The following ABI1 variants were observed in gnomAD, a reference collection of about 807,000 sequenced individuals.
The protein encoded by ABI1 is abl interactor 1, also known as Abelson interactor 1.
A neutral mutation model predicts 54.6 loss-of-function variants in ABI1; 14 were observed. The ratio of observed to expected loss-of-function variants is 0.26; its 90% CI spans 0.17 to 0.40. The LOEUF is 0.40. Ranked by LOEUF, ABI1 falls within the 10% of genes least tolerant of loss-of-function variation. The pLI, the probability that ABI1 is intolerant of heterozygous loss-of-function variation, is 1.00. For missense variants in ABI1, 443 were observed against 598.3 expected (o/e 0.74, Z 2.71); for synonymous variants, 194 against 209.3 (o/e 0.93, Z 0.63).
Position 26,747,816 on chromosome 10 carries a change from C to A in ABI1, c.*754G>T, listed in dbSNP as rs556353453. On this transcript the variant is annotated 3_prime_UTR_variant, in exon 11 of 11. Coordinates refer to ENST00000376140, the MANE Select transcript of ABI1 (RefSeq NM_001012750.3). ...TTGAGAAAATAGAATCATAATTCTG[C>A]AATAAATCATTATCTTTTATTTTTT... is the stretch of plus-strand genomic sequence containing the variant. 83 of 193,696 alleles carry A rather than the reference C, an allele frequency of 4.3e-4. No individual in the cohort carries two copies. Among genetic ancestry groups the A allele is most frequent in the Non-Finnish European group, 5.6e-4 (52 of 93,084 alleles). 12.0% of individuals were successfully genotyped at this position (193,696 alleles called of 1,614,324 possible).
At chr10:26,798,185 G>A (rs1844432479) in intron 2 of ABI1, among the ~76,000 whole-genome samples, 1 of 152,128 alleles carries the variant, frequency 6.6e-6, no homozygotes, top group South Asian at 2.1e-4. Context: ...GTACTTTTAT[G>A]CCACATGGGG....
rs76336172 is a variant in ABI1 at position 26,860,109 on chromosome 10, C to G, written c.117+638G>C. Among the ~76,000 whole-genome samples, 1,108 of 152,250 alleles carry G rather than the reference C, an allele frequency of 7.3e-3. 8 individuals carry two copies. Among genetic ancestry groups the G allele is most frequent in the Non-Finnish European group, 0.012 (783 of 68,022 alleles). On this transcript the variant is annotated intron_variant, in intron 1 of 10. Coordinates refer to ENST00000376140, the MANE Select transcript of ABI1 (RefSeq NM_001012750.3). The surrounding 1 kb of genome is among the most constrained non-coding windows in gnomAD (Gnocchi z 4.1). Reference sequence around the variant, plus strand: ...AAACGCCCTCCCTCACTCCCCACACCCGCTTCCTCCTCTCCTCCGGGAGGT... The same window carrying G: ...AAACGCCCTCCCTCACTCCCCACACGCGCTTCCTCCTCTCCTCCGGGAGGT...
At chr10:26,783,595 T>C (rs1474967283) in intron 2 of ABI1, among the ~76,000 whole-genome samples, 1 of 152,214 alleles carries the variant, frequency 6.6e-6, no homozygotes, top group African/African-American at 2.4e-5. Context: ...TCCTGGCCAC[T>C]TGGGATTCCA....
intron 2 of ABI1, among the ~76,000 whole-genome samples, chr10:26,795,122 C>T (rs144165069): frequency 5.1e-4 from 74 of 145,070 alleles, no homozygotes; most frequent in African/African-American, 1.7e-3. Flanking sequence ...CCAGCCTGGG[C>T]GACAGAGCGA....
At chr10:26,853,858 T>C (rs1230803523) in intron 1 of ABI1, among the ~76,000 whole-genome samples, 1 of 152,158 alleles carries the variant, frequency 6.6e-6, no homozygotes, top group Non-Finnish European at 1.5e-5. Flanking sequence ...TTACTTTTCA[T>C]GCCAACACTA....
chr10:26,768,770 T>TA, intron 6 of ABI1, 82 bp downstream of exon 6: 2 of 1,215,996 alleles, frequency 1.6e-6, no homozygotes, highest in Non-Finnish European at 1.1e-6. Context: ...ACCTCACCTT[T>TA]ACTCAGCACC....
chr10:26,839,568 CA>C (rs2049332030), intron 1 of ABI1, among the ~76,000 whole-genome samples: 1 of 151,384 alleles, frequency 6.6e-6, no homozygotes, highest in Admixed American at 6.6e-5. Context: ...CATCTTTTAA[CA>C]AACTACTAGG....
At chr10:26,787,459 T>G (rs930470810) in intron 2 of ABI1, among the ~76,000 whole-genome samples, 2 of 152,124 alleles carry the variant, frequency 1.3e-5, no homozygotes, top group Non-Finnish European at 2.9e-5. Context: ...CAGGACACGA[T>G]TTCAAATTAC....
intron 3 of ABI1, among the ~76,000 whole-genome samples, chr10:26,774,641 T>C (rs1377950169): frequency 6.6e-6 from 1 of 152,088 alleles, no homozygotes; most frequent in African/African-American, 2.4e-5. Flanking sequence ...GTTTATTTCA[T>C]AGCATAAAAT....
At chr10:26,756,466 T>C (rs1196066347) in intron 8 of ABI1, among the ~76,000 whole-genome samples, 60 of 152,142 alleles carry the variant, frequency 3.9e-4, no homozygotes, top group Admixed American at 3.9e-3. Context: ...TTCATCACTG[T>C]TCTGAAAAAG....
At chr10:26,792,985 A>G (rs1160491693) in intron 2 of ABI1, among the ~76,000 whole-genome samples, 1 of 152,214 alleles carries the variant, frequency 6.6e-6, no homozygotes, top group Non-Finnish European at 1.5e-5. Context: ...TGACATAGCA[A>G]CACTACTTAA....
chr10:26,830,366 A>G lies in ABI1; in HGVS notation c.118-7061T>C, dbSNP rs570555799. Among the ~76,000 whole-genome samples the G allele has an allele frequency of 2.4e-3, 370 of 152,280 alleles. 2 individuals carry two copies. The highest frequency in any genetic ancestry group is 8.5e-3 in the African/African-American group (353 of 41,562). ...GTTGGGCATGGGGGCTCATGACTGTAATCTCAGCATTTTGGGAGGTCATGG... is the reference window on the plus strand; with the variant it reads ...GTTGGGCATGGGGGCTCATGACTGTGATCTCAGCATTTTGGGAGGTCATGG... On this transcript the variant is annotated intron_variant, in intron 1 of 10. Coordinates refer to ENST00000376140, the MANE Select transcript of ABI1 (RefSeq NM_001012750.3).
chr10:26,841,677 A>G (rs1033733930), intron 1 of ABI1, among the ~76,000 whole-genome samples: 5 of 151,624 alleles, frequency 3.3e-5, no homozygotes, highest in African/African-American at 1.2e-4. Context: ...GATTCCACAT[A>G]TGAGATCATG....
chr10:26,828,546 T>A (rs1459589263), intron 1 of ABI1, among the ~76,000 whole-genome samples: 2 of 151,960 alleles, frequency 1.3e-5, no homozygotes, highest in Admixed American at 6.6e-5. Flanking sequence ...AAAATAAAAT[T>A]TAAATTTAAA....
At chr10:26,759,384 G>A in intron 7 of ABI1, 146 bp from the exon 8 acceptor site, 1 of 566,774 alleles carries the variant, frequency 1.8e-6, no homozygotes, top group South Asian at 5.0e-5. Context: ...GAAAAGTAAA[G>A]ATAAAAATCA....
intron 10 of ABI1, 73 bp from the exon 11 acceptor site, chr10:26,748,818 C>T (rs1588727744): frequency 2.3e-6 from 2 of 873,002 alleles, no homozygotes; most frequent in Non-Finnish European, 3.4e-6. Flanking sequence ...AAGACAAAGA[C>T]AATTAAATAT....
intron 6 of ABI1, among the ~76,000 whole-genome samples, chr10:26,766,904 C>A (rs370827369): frequency 2.0e-5 from 3 of 152,158 alleles, no homozygotes; most frequent in African/African-American, 7.2e-5. Context: ...TACTGGAACA[C>A]AGCCACATTC....
chr10:26,846,742 T>C (rs1340724868), intron 1 of ABI1, among the ~76,000 whole-genome samples: 1 of 152,194 alleles, frequency 6.6e-6, no homozygotes, highest in Non-Finnish European at 1.5e-5. Context: ...TGACTCTGTT[T>C]ACTCTGAAGT....
chr10:26,792,684 T>A (rs778175987), intron 2 of ABI1, among the ~76,000 whole-genome samples: 3 of 152,172 alleles, frequency 2.0e-5, no homozygotes, highest in Non-Finnish European at 4.4e-5. Flanking sequence ...TAAACAAATG[T>A]TCTAAAGGAA....
Sources: gnomAD v4.1 joint callset for allele counts (sites outside exome capture counted in the v4.1 genomes callset) on GRCh38, gnomAD v4.1.1 for gene constraint, Gnocchi (gnomAD v3.1) non-coding constraint, MANE v1.5 for transcripts, NCBI Gene and HGNC (gene_info 2026-07-23, HGNC 2026-07-21) for gene names.